Variants in HS6ST3 observed in about 807,000 individuals in gnomAD.
HS6ST3 encodes heparan-sulfate 6-O-sulfotransferase 3.
HS6ST3 carries 12 observed loss-of-function variants against 36.7 expected under a neutral mutation model. The ratio of observed to expected loss-of-function variants is 0.33; its 90% confidence interval spans 0.21 to 0.53. The LOEUF (loss-of-function observed/expected upper bound fraction) is 0.53. Ranked by LOEUF, HS6ST3 falls within the 20% of genes least tolerant of loss-of-function variation. HS6ST3 has a pLI of 0.95. For synonymous variants in HS6ST3, 240 were observed against 257.5 expected, an observed-to-expected ratio of 0.93 and a Z score of 0.65; for missense variants, 584 against 640.9, an observed-to-expected ratio of 0.91 and a Z score of 0.96.
At position 96,625,694 on chromosome 13, in the gene HS6ST3, CT is replaced by C. The variant is rs2056509725; in HGVS notation, c.708-206792del. 2.0e-5 allele frequency among the ~76,000 whole-genome samples: 3 copies of C among 151,960 alleles called. No homozygotes were observed. In the South Asian group the frequency reaches 6.2e-4, roughly 32 times the overall value. ...TAGTTTGTGAAATGCTTATTTGTGACTTTTGCCCATTTTTGTTCTTATTAAA... is the reference window on the plus strand; with the variant it reads ...TAGTTTGTGAAATGCTTATTTGTGACTTTGCCCATTTTTGTTCTTATTAAA... On this transcript the variant is annotated intron_variant, in intron 1 of 1. Coordinates refer to ENST00000376705, the MANE Select transcript of HS6ST3 (RefSeq NM_153456.4).
At chr13:96,389,104 A>G (rs1031994179) in intron 1 of HS6ST3, among the ~76,000 whole-genome samples, 2 of 152,216 alleles carry the variant, frequency 1.3e-5, no homozygotes, top group Admixed American at 6.5e-5. Context: ...AAATTAATCC[A>G]TAGTTTAAAA....
intron 1 of HS6ST3, among the ~76,000 whole-genome samples, chr13:96,572,837 G>A (rs1275021443): frequency 6.6e-6 from 1 of 152,136 alleles, no homozygotes; most frequent in Non-Finnish European, 1.5e-5. Context: ...GATGCATATT[G>A]GAAAAGTGTC....
intron 1 of HS6ST3, among the ~76,000 whole-genome samples, chr13:96,318,796 T>C (rs1312473159): frequency 6.6e-6 from 1 of 152,160 alleles, no homozygotes; most frequent in African/African-American, 2.4e-5. Context: ...ACTATAACCT[T>C]ATAGTATAGT....
At chr13:96,322,889 A>G (rs2055011386) in intron 1 of HS6ST3, among the ~76,000 whole-genome samples, 1 of 152,206 alleles carries the variant, frequency 6.6e-6, no homozygotes, top group African/African-American at 2.4e-5. Flanking sequence ...GATTCCACAC[A>G]ATATCAGTTC....
intron 1 of HS6ST3, among the ~76,000 whole-genome samples, chr13:96,489,375 A>AACACACAC (rs67334904): frequency 0.014 from 2,109 of 148,084 alleles, 55 homozygotes; most frequent in African/African-American, 0.049. Flanking sequence ...TGTATATACA[A>AACACACAC]ACACACACAC....
At chr13:96,281,617 G>C (rs1489313109) in intron 1 of HS6ST3, among the ~76,000 whole-genome samples, 1 of 152,174 alleles carries the variant, frequency 6.6e-6, no homozygotes, top group Non-Finnish European at 1.5e-5. Context: ...CCTGCATTCA[G>C]AAGTATTTAC....
intron 1 of HS6ST3, among the ~76,000 whole-genome samples, chr13:96,346,410 T>C (rs2055154910): frequency 6.6e-6 from 1 of 151,836 alleles, no homozygotes; most frequent in African/African-American, 2.4e-5. Context: ...CTATCTCTCC[T>C]AAAAATACAA....
chr13:96,163,504 C>T (rs1368362705), intron 1 of HS6ST3, among the ~76,000 whole-genome samples: 2 of 152,110 alleles, frequency 1.3e-5, no homozygotes, highest in Non-Finnish European at 2.9e-5. Flanking sequence ...GCTGGGATTA[C>T]AGGCGTGAGC....
chr13:96,460,474 A>G (rs556064477), intron 1 of HS6ST3, among the ~76,000 whole-genome samples: 1 of 152,306 alleles, frequency 6.6e-6, no homozygotes, highest in Admixed American at 6.5e-5. Flanking sequence ...AATGTTTGGT[A>G]CATATATTTA....
chr13:96,137,315 T>C (rs74690538), intron 1 of HS6ST3, among the ~76,000 whole-genome samples: 2,301 of 152,294 alleles, frequency 0.015, 37 homozygotes, highest in East Asian at 0.072. Flanking sequence ...TCATCATCTA[T>C]GTTATTGCAG....
intron 1 of HS6ST3, among the ~76,000 whole-genome samples, chr13:96,317,724 G>T (rs1167517836): frequency 3.5e-5 from 5 of 144,254 alleles, no homozygotes; most frequent in East Asian, 2.0e-4. Flanking sequence ...GCCAGCATCT[G>T]TTTTTTTTTT....
At chr13:96,589,813 C>T (rs1704350065) in intron 1 of HS6ST3, among the ~76,000 whole-genome samples, 1 of 152,028 alleles carries the variant, frequency 6.6e-6, no homozygotes, top group African/African-American at 2.4e-5. Flanking sequence ...TACCCATTAA[C>T]TATCCCCACT....
intron 1 of HS6ST3, among the ~76,000 whole-genome samples, chr13:96,656,075 A>G (rs971602649): frequency 6.6e-6 from 1 of 152,182 alleles, no homozygotes; most frequent in African/African-American, 2.4e-5. Context: ...AATTTAGACT[A>G]GTATTTCTGT....
chr13:96,134,972 G>C (rs1031641896), intron 1 of HS6ST3, among the ~76,000 whole-genome samples: 2 of 152,158 alleles, frequency 1.3e-5, no homozygotes, highest in Non-Finnish European at 2.9e-5. Flanking sequence ...CATCCATTCT[G>C]TCTGACACAG....
rs531079334 is a variant in HS6ST3, at chr13:96,114,480, C to T, written c.707+22911C>T. 7.2e-5 allele frequency among the ~76,000 whole-genome samples: 11 copies of T among 152,254 alleles called. No homozygotes were observed. In the South Asian group the frequency reaches 2.1e-3, roughly 29 times the overall value. ...TTTTCTTTATTACTATTAAAAGCAG[C>T]ATGAAGTAGTGGTTAAGATTGTGGA... On this transcript the variant is annotated intron_variant, in intron 1 of 1. Transcript: ENST00000376705.
At chr13:96,258,621 C>A (rs985865050) in intron 1 of HS6ST3, among the ~76,000 whole-genome samples, 2 of 152,104 alleles carry the variant, frequency 1.3e-5, no homozygotes, top group African/African-American at 4.8e-5. Flanking sequence ...AGGCTCTTTC[C>A]TTTTACCTGC....
intron 1 of HS6ST3, among the ~76,000 whole-genome samples, chr13:96,482,260 T>G (rs2055893470): frequency 6.6e-6 from 1 of 152,152 alleles, no homozygotes; most frequent in African/African-American, 2.4e-5. Context: ...CTGGGGCAAA[T>G]GCATGCTCAT....
intron 1 of HS6ST3, among the ~76,000 whole-genome samples, chr13:96,731,444 A>T (rs1876151312): frequency 6.6e-6 from 1 of 152,156 alleles, no homozygotes; most frequent in South Asian, 2.1e-4. Context: ...ATGGCTGTAT[A>T]GTATCCCATT....
At chr13:96,117,168 G>A (rs973197715) in intron 1 of HS6ST3, among the ~76,000 whole-genome samples, 12 of 152,212 alleles carry the variant, frequency 7.9e-5, no homozygotes, top group Non-Finnish European at 1.0e-4. Flanking sequence ...TTCCTTAAAT[G>A]GTTTGAGAGT....
Sources: allele counts gnomAD v4.1 joint callset (sites outside exome capture counted in the v4.1 genomes callset), GRCh38; gene constraint gnomAD v4.1.1; transcripts MANE v1.5; gene names NCBI Gene and HGNC (gene_info 2026-07-23, HGNC 2026-07-21).